HIRA: variants seen among roughly 807,000 people sequenced by gnomAD.
HIRA encodes the protein protein HIRA.
HIRA carries 13 observed loss-of-function variants against 126.6 expected under a neutral mutation model. That is an observed-to-expected ratio of 0.10 (90% CI 0.07 to 0.16). HIRA has a LOEUF of 0.16. Ranked by LOEUF, HIRA falls within the 10% of genes least tolerant of loss-of-function variation. HIRA has a pLI of 1.00. For synonymous variants in HIRA, 511 were observed against 520.0 expected, an observed-to-expected ratio of 0.98 and a Z score of 0.24; for missense variants, 834 against 1,314.4, an observed-to-expected ratio of 0.63 and a Z score of 5.65.
In HIRA at chr22:19,410,694, TTTC is replaced by T; in HGVS notation, c.100+19_100+21del. 1.3e-6 allele frequency: 2 copies of T among 1,596,282 alleles called. No homozygotes were observed. The highest frequency in any genetic ancestry group is 1.7e-6 in the Non-Finnish European group (2 of 1,164,432). On this transcript the variant is annotated intron_variant, in intron 2 of 24. Transcript: ENST00000263208. ...GGTGGCAGGGCTGTTAAGCTTTCCC[TTTC>T]TTTATTCCATAAACATACCTTGTCC...
intron 8 of HIRA, 58 bp downstream of exon 8, chr22:19,394,284 A>G: frequency 6.4e-7 from 1 of 1,570,316 alleles, no homozygotes; most frequent in East Asian, 2.3e-5. Context: ...AAATAAACCA[A>G]GAATTAATAT....
chr22:19,353,697 G>C (rs1009925233), intron 22 of HIRA, among the ~76,000 whole-genome samples, 178 bp from the exon 23 acceptor site: 5 of 152,184 alleles, frequency 3.3e-5, no homozygotes, highest in African/African-American at 1.2e-4. Context: ...CCATCCCCAC[G>C]CCCCAGCCAT....
Position 19,331,316 on chromosome 22 carries a change from ACAG to A in HIRA, c.*121_*123del. ...GGAGCTGGGCTGGCGCTGGTGCAGG[ACAG>A]CACATCTCCTGCCAGTGTCTCCTCC... On this transcript the variant is annotated 3_prime_UTR_variant, in exon 25 of 25. Transcript: ENST00000263208. The A allele has an allele frequency of 6.3e-7, 1 of 1,593,458 alleles. No homozygotes were observed. Among genetic ancestry groups the A allele is most frequent in the Non-Finnish European group, 8.5e-7 (1 of 1,176,454 alleles).
chr22:19,338,595 A>G (rs782158286), intron 24 of HIRA, among the ~76,000 whole-genome samples: 7 of 152,218 alleles, frequency 4.6e-5, no homozygotes, highest in Non-Finnish European at 8.8e-5. Flanking sequence ...ATGGACTCAC[A>G]TAAGTTGAGG....
chr22:19,414,015 A>G (rs570517443), intron 1 of HIRA, among the ~76,000 whole-genome samples: 1 of 152,216 alleles, frequency 6.6e-6, no homozygotes, highest in Non-Finnish European at 1.5e-5. Context: ...CAGCATGATG[A>G]TGACAAAGAT....
intron 15 of HIRA, among the ~76,000 whole-genome samples, chr22:19,367,576 A>G (rs969977720): frequency 6.6e-6 from 1 of 152,202 alleles, no homozygotes; most frequent in Non-Finnish European, 1.5e-5. Context: ...CATGTTGGCC[A>G]GGGTGGTCTC....
At chr22:19,391,563 G>A (rs974509286) in intron 9 of HIRA, among the ~76,000 whole-genome samples, 2 of 150,750 alleles carry the variant, frequency 1.3e-5, no homozygotes, top group African/African-American at 4.9e-5. Flanking sequence ...CTCACTGCAA[G>A]CTCTGCCTCC....
rs1569310090 is a variant in HIRA at position 19,408,413 on chromosome 22, T to C, written c.211+70A>G. 4.0e-6 allele frequency: 4 copies of C among 1,000,642 alleles called. No individual in the cohort carries two copies. The Admixed American group carries it at 6.8e-5, about 17-fold the overall frequency. 62.0% of individuals were successfully genotyped at this position (1,000,642 alleles called of 1,614,324 possible). A position where few individuals can be genotyped will look rare whatever the true frequency, so the allele number is the denominator to read the frequency against. On this transcript the variant is annotated intron_variant, in intron 3 of 24. Transcript: ENST00000263208. ...CCGCACGGGGCCTTATCTTTCTAAT[T>C]ACAAACACATGTGCTAACCTTGGGC... is the stretch of plus-strand genomic sequence containing the variant.
Position 19,375,664 on chromosome 22 carries a change from G to A in HIRA, c.1742C>T (p.Ala581Val). ...ERSKATPGAP[A>V]LTSMTPTAVE... ...AGCTGTCGGAGTCATGCTGGTCAGG[G>A]CAGGAGCACCTGGTGTGGCTTTGGA... is the stretch of plus-strand genomic sequence containing the variant. Residue 581 changes from alanine (A) to valine (V), a missense_variant, in exon 15 of 25, where the codon GCC becomes GTC. This residue lies in a region of HIRA where 468 missense variants were observed against 574.2 expected (regional missense o/e 0.82). Transcript: ENST00000263208. 2 of 1,614,172 alleles carry A rather than the reference G, an allele frequency of 1.2e-6. No individual in the cohort carries two copies. Among genetic ancestry groups the A allele is most frequent in the South Asian group, 2.2e-5 (2 of 91,090 alleles).
Position 19,390,601 on chromosome 22 carries a change from C to CAAAAAAAAAAAAAAAAAAAAA in HIRA, c.936+1479_936+1499dup, listed in dbSNP as rs575050947. ...TGGGCAATAGAGGGAGACTCTGTCT[C>CAAAAAAAAAAAAAAAAAAAAA]AAAAAAAAAAAAAAAAAAAAAAAAA... On this transcript the variant is annotated intron_variant, in intron 9 of 24. Coordinates refer to ENST00000263208, the MANE Select transcript of HIRA (RefSeq NM_003325.4). 1.5e-3 allele frequency among the ~76,000 whole-genome samples: 59 copies of CAAAAAAAAAAAAAAAAAAAAA among 38,340 alleles called. 10 individuals are homozygous for CAAAAAAAAAAAAAAAAAAAAA. Among genetic ancestry groups the CAAAAAAAAAAAAAAAAAAAAA allele is most frequent in the Admixed American group, 1.9e-3 (4 of 2,078 alleles). The allele number at this position is 38,340 out of a possible 152,430, so 25.2% of individuals were successfully genotyped here.
In HIRA at chr22:19,356,985, G is replaced by A; in HGVS notation, c.2301C>T (p.Leu767=). The A allele has an allele frequency of 6.2e-7, 1 of 1,614,042 alleles. No individual in the cohort carries two copies. The highest frequency in any genetic ancestry group is 8.5e-7 in the Non-Finnish European group (1 of 1,180,002). The change falls in exon 19 of 25, where the codon CTC becomes CTT. Residue 767 remains leucine, a synonymous_variant. Transcript: ENST00000263208. ...LSVFSTCGRR[L]LSPILLPSPI... is the part of the protein sequence containing the mutation. The stretch of plus-strand genomic sequence containing the variant: ...GGGATGGCAGGAGGATGGGAGAGAG[G>A]AGACGGCGACCACAGGTGGAGAACA...
At chr22:19,424,985 G>C (rs2089478195) in intron 1 of HIRA, among the ~76,000 whole-genome samples, 1 of 152,142 alleles carries the variant, frequency 6.6e-6, no homozygotes. Context: ...GAAGAGACTA[G>C]CCTGTCAAGC....
intron 3 of HIRA, 117 bp from the exon 4 acceptor site, chr22:19,407,391 G>A (rs2089316841): frequency 1.3e-6 from 1 of 772,406 alleles, no homozygotes; most frequent in Non-Finnish European, 2.1e-6. Context: ...TCTATTTAAG[G>A]CATCTACTGT....
intron 24 of HIRA, among the ~76,000 whole-genome samples, chr22:19,345,423 T>C (rs953487674): frequency 1.3e-5 from 2 of 152,226 alleles, no homozygotes; most frequent in Admixed American, 6.5e-5. Context: ...CAGGATGCGA[T>C]GTATAGCTCT....
intron 24 of HIRA, among the ~76,000 whole-genome samples, chr22:19,349,666 A>G (rs2088732716): frequency 6.6e-6 from 1 of 152,230 alleles, no homozygotes; most frequent in South Asian, 2.1e-4. Context: ...TCAGGGACTT[A>G]AGGGGATTTG....
chr22:19,420,668 T>C (rs753533727), intron 1 of HIRA, among the ~76,000 whole-genome samples: 2 of 152,018 alleles, frequency 1.3e-5, no homozygotes, highest in African/African-American at 4.8e-5. Context: ...TGAACTATGG[T>C]CATGCCACTG....
In HIRA at chr22:19,383,619, C is replaced by T. The variant is rs1386469743; in HGVS notation, c.1415+1G>A. 1.2e-6 allele frequency: 2 copies of T among 1,610,648 alleles called. No individual in the cohort carries two copies. The stretch of plus-strand genomic sequence containing the variant: ...ACCATGAAAGGGGAATGAACCAGTA[C>T]CCAGTGTCCAGCTGTGCTATGCAGA... On this transcript the variant is annotated splice_donor_variant, in intron 13 of 24. Coordinates refer to ENST00000263208, the MANE Select transcript of HIRA (RefSeq NM_003325.4). LOFTEE classifies it high-confidence loss of function.
At chr22:19,376,725 G>A (rs1016436369) in intron 14 of HIRA, among the ~76,000 whole-genome samples, 1 of 152,200 alleles carries the variant, frequency 6.6e-6, no homozygotes, top group African/African-American at 2.4e-5. Flanking sequence ...TCACAGCCAT[G>A]GTGCTAGCAC....
chr22:19,353,939 C>A, intron 22 of HIRA, 57 bp downstream of exon 22: 1 of 1,593,662 alleles, frequency 6.3e-7, no homozygotes, highest in Non-Finnish European at 8.6e-7. Flanking sequence ...TGCACTGACC[C>A]AGGCACTTCC....
Sources: gnomAD v4.1 joint callset for allele counts (sites outside exome capture counted in the v4.1 genomes callset) on GRCh38, gnomAD v4.1.1 for gene constraint, gnomAD v4.1.1 regional missense constraint, MANE v1.5 for transcripts, NCBI Gene and HGNC (gene_info 2026-07-23, HGNC 2026-07-21) for gene names.